ANXA2: variants seen among roughly 807,000 people sequenced by gnomAD.
ANXA2 encodes annexin II.
In ANXA2, 28 loss-of-function variants were observed where a neutral mutation model predicts 47.3. The ratio of observed to expected loss-of-function variants is 0.59; its 90% CI spans 0.44 to 0.81. The LOEUF (loss-of-function observed/expected upper bound fraction) is 0.81, where lower values mean the gene tolerates loss of function less well. Among genes scored for constraint, ANXA2 ranks in the 40% least tolerant of loss-of-function variants. The probability of loss-of-function intolerance (pLI) is 0.00; values close to 1 mark genes in which losing one functional copy is unlikely to be tolerated. For synonymous variants in ANXA2, 172 were observed against 155.5 expected (o/e 1.11, Z -0.79); for missense variants, 384 against 414.3 (o/e 0.93, Z 0.64).
In ANXA2 at chr15:60,352,362, C is replaced by T. The variant is rs751577460; in HGVS notation, c.682+21G>A. 1.9e-6 allele frequency: 3 copies of T among 1,583,134 alleles called. No homozygotes were observed. Among genetic ancestry groups the T allele is most frequent in the Non-Finnish European group, 2.6e-6 (3 of 1,155,042 alleles). On this transcript the variant is annotated intron_variant, in intron 9 of 12. Coordinates refer to ENST00000451270, the MANE Select transcript of ANXA2 (RefSeq NM_004039.3). The surrounding 1 kb of genome is among the most constrained non-coding windows in gnomAD (Gnocchi z 4.2). Reference sequence around the variant, plus strand: ...CAGCCAGGGCCCCAAGGCACTGAGACTCCCTCAGCACAGTGCCCACCTTTC... The same window carrying T: ...CAGCCAGGGCCCCAAGGCACTGAGATTCCCTCAGCACAGTGCCCACCTTTC...
At chr15:60,369,426 A>G (rs1234201680) in intron 3 of ANXA2, among the ~76,000 whole-genome samples, 1 of 152,272 alleles carries the variant, frequency 6.6e-6, no homozygotes, top group Non-Finnish European at 1.5e-5. Context: ...CTGAAGAACC[A>G]TCACAAAATA....
chr15:60,374,065 A>T (rs750133696), intron 3 of ANXA2, among the ~76,000 whole-genome samples: 1 of 152,146 alleles, frequency 6.6e-6, no homozygotes, highest in African/African-American at 2.4e-5. Context: ...CAACTCGGGG[A>T]AAGTGTAGTT....
chr15:60,390,021 T>C (rs67827628), intron 1 of ANXA2, among the ~76,000 whole-genome samples: 14,073 of 152,304 alleles, frequency 0.092, 832 homozygotes, highest in Middle Eastern at 0.15. Context: ...AGAAAGTATA[T>C]GGTTGACCTC....
chr15:60,386,183 T>C (rs1247649590), intron 1 of ANXA2, 97 bp from the exon 2 acceptor site: 1 of 832,866 alleles, frequency 1.2e-6, no homozygotes, highest in African/African-American at 1.7e-5. Context: ...CTTGGACCAT[T>C]TCATCTGACG....
In ANXA2 at chr15:60,352,796, C is replaced by T. The variant is rs563525891; in HGVS notation, c.589-320G>A. Among the ~76,000 whole-genome samples the T allele has an allele frequency of 6.6e-6, 1 of 152,174 alleles. No individual in the cohort carries two copies. The highest frequency in any genetic ancestry group is 1.5e-5 in the Non-Finnish European group (1 of 68,034). ...AAGAACAAGTAAATGTTCATTAACA[C>T]ATCTGGCCCTCCTCCCTTTGGGCAC... On this transcript the variant is annotated intron_variant, in intron 8 of 12. Transcript: ENST00000451270. This position sits in a 1 kb window ranked among gnomAD's most constrained non-coding sequence, Gnocchi z 4.2.
intron 3 of ANXA2, 62 bp from the exon 4 acceptor site, chr15:60,364,585 A>C: frequency 7.6e-7 from 1 of 1,311,270 alleles, no homozygotes; most frequent in Non-Finnish European, 1.1e-6. Flanking sequence ...GCTTACATAG[A>C]AGGTGTCAAG....
chr15:60,355,107 C>T (rs1027848550), intron 7 of ANXA2, among the ~76,000 whole-genome samples: 7 of 152,018 alleles, frequency 4.6e-5, no homozygotes, highest in African/African-American at 1.2e-4. Flanking sequence ...CAGAGCTGAG[C>T]GGGAAAGATG....
intron 3 of ANXA2, among the ~76,000 whole-genome samples, chr15:60,368,662 T>A (rs1246964586): frequency 6.6e-6 from 1 of 152,200 alleles, no homozygotes; most frequent in African/African-American, 2.4e-5. Context: ...AGTCTCTATA[T>A]CAAAATTTTA....
chr15:60,390,513 A>G (rs1255226927), intron 1 of ANXA2: 1 of 490,418 alleles, frequency 2.0e-6, no homozygotes, highest in South Asian at 1.5e-5. Flanking sequence ...TATGGTGGGT[A>G]GACTAAGGCA....
At position 60,354,217 on chromosome 15, in the gene ANXA2, TGG is replaced by T. The variant is rs765715022; in HGVS notation, c.529-6_529-5del. On this transcript the variant is annotated splice_region_variant and splice_polypyrimidine_tract_variant and intron_variant, in intron 7 of 12. Coordinates refer to ENST00000451270, the MANE Select transcript of ANXA2 (RefSeq NM_004039.3). Reference sequence around the variant, plus strand: ...AGCCATCCTCTGCTCTTCTACCCTATGGGGGAAAGAAAAAGAACTTCAAATAC... The same window carrying T: ...AGCCATCCTCTGCTCTTCTACCCTATGGGAAAGAAAAAGAACTTCAAATAC... 1 of 1,605,012 alleles carries T rather than the reference TGG, an allele frequency of 6.2e-7. No individual in the cohort carries two copies. Among genetic ancestry groups the T allele is most frequent in the Non-Finnish European group, 8.5e-7 (1 of 1,176,672 alleles).
In ANXA2 at chr15:60,347,606, T is replaced by A. The variant is rs763821017; in HGVS notation, c.*24A>T. On this transcript the variant is annotated 3_prime_UTR_variant, in exon 13 of 13. Transcript: ENST00000451270. ...CTGGAAGCATGGTGAGCACCATTTCTGGACGCTCAGGCCGTGTCGGGCTTC... is the reference window on the plus strand; with the variant it reads ...CTGGAAGCATGGTGAGCACCATTTCAGGACGCTCAGGCCGTGTCGGGCTTC... The A allele has an allele frequency of 2.5e-6, 4 of 1,612,576 alleles. No individual in the cohort carries two copies.
intron 2 of ANXA2, among the ~76,000 whole-genome samples, chr15:60,385,110 T>C (rs2062914733): frequency 6.6e-6 from 1 of 152,394 alleles, no homozygotes; most frequent in Non-Finnish European, 1.5e-5. Flanking sequence ...TAGGTTCACA[T>C]ATTTCCTATG....
chr15:60,382,438 A>G lies in ANXA2; in HGVS notation c.52T>C (p.Ser18Pro). ...LCKLSLEGDH[S>P]TPPSAYGSVK... The stretch of plus-strand genomic sequence containing the variant: ...GACCCATATGCACTTGGGGGTGTAG[A>G]GTGCTGAGGTTAAAAGATAAACATA... Residue 18 changes from serine to proline, a missense_variant, in exon 3 of 13, where the codon TCT (serine) becomes CCT (proline). Coordinates refer to ENST00000451270, the MANE Select transcript of ANXA2 (RefSeq NM_004039.3). The G allele has an allele frequency of 1.2e-6, 2 of 1,609,092 alleles. No individual in the cohort carries two copies. Among genetic ancestry groups the G allele is most frequent in the Non-Finnish European group, 1.7e-6 (2 of 1,175,974 alleles).
intron 5 of ANXA2, among the ~76,000 whole-genome samples, chr15:60,358,110 T>C (rs956011582): frequency 9.2e-5 from 14 of 152,234 alleles, no homozygotes; most frequent in South Asian, 6.2e-4. Flanking sequence ...ATTGGGTTAA[T>C]GTTAAAAATT....
intron 6 of ANXA2, among the ~76,000 whole-genome samples, chr15:60,356,351 A>T (rs1190103779): frequency 6.6e-6 from 1 of 151,616 alleles, no homozygotes; most frequent in African/African-American, 2.4e-5. Flanking sequence ...CTACACACGC[A>T]CACACACACA....
At chr15:60,396,960 T>G (rs2063088314) in intron 1 of ANXA2, among the ~76,000 whole-genome samples, 2 of 152,252 alleles carry the variant, frequency 1.3e-5, no homozygotes, top group Non-Finnish European at 2.9e-5. Context: ...CTTTACACAT[T>G]TATTACCTAA....
intron 2 of ANXA2, 128 bp downstream of exon 2, chr15:60,385,900 G>T: frequency 3.3e-6 from 2 of 611,900 alleles, no homozygotes; most frequent in Non-Finnish European, 5.7e-6. Flanking sequence ...TAAGAAAGAG[G>T]AGAACCAAAT....
At chr15:60,392,421 T>C (rs1301199276) in intron 1 of ANXA2, among the ~76,000 whole-genome samples, 1 of 148,866 alleles carries the variant, frequency 6.7e-6, no homozygotes, top group African/African-American at 2.5e-5. Flanking sequence ...AAAAAAAAAC[T>C]CTATAGATTT....
intron 1 of ANXA2, chr15:60,392,942 T>TAA (rs60755565): frequency 1.4e-4 from 129 of 926,888 alleles, no homozygotes; most frequent in Non-Finnish European, 1.6e-4. Flanking sequence ...AATTTTAAAC[T>TAA]AAAAAAAAAA....
Sources: allele counts gnomAD v4.1 joint callset (sites outside exome capture counted in the v4.1 genomes callset), GRCh38; gene constraint gnomAD v4.1.1; non-coding constraint Gnocchi (gnomAD v3.1); transcripts MANE v1.5; gene names NCBI Gene and HGNC (gene_info 2026-07-23, HGNC 2026-07-21).